PACRG: variants seen among roughly 807,000 people sequenced by gnomAD.
The protein encoded by PACRG is parkin coregulated.
PACRG carries 29 observed loss-of-function variants against 29.7 expected under a neutral mutation model. The observed-to-expected ratio is 0.98, with a 90% CI of 0.73 to 1.33. The LOEUF is 1.33. PACRG is among the 40% of genes most tolerant of loss of function. The pLI is 0.00. For synonymous variants in PACRG, 116 were observed against 118.7 expected, an observed-to-expected ratio of 0.98 and a Z score of 0.15; for missense variants, 279 against 316.2, an observed-to-expected ratio of 0.88 and a Z score of 0.89.
intron 4 of PACRG, among the ~76,000 whole-genome samples, chr6:163,248,843 T>C (rs771379992): frequency 2.6e-5 from 4 of 151,600 alleles, no homozygotes; most frequent in Non-Finnish European, 4.4e-5. Flanking sequence ...TGAAACCCCG[T>C]TTCTACTAAA....
intron 2 of PACRG, among the ~76,000 whole-genome samples, chr6:163,005,597 A>G (rs1219575659): frequency 6.6e-6 from 1 of 151,670 alleles, no homozygotes; most frequent in Non-Finnish European, 1.5e-5. Flanking sequence ...TCCTGTTACT[A>G]ATGCTCATTT....
chr6:162,995,521 C>T (rs1232240433), intron 2 of PACRG, among the ~76,000 whole-genome samples: 1 of 152,226 alleles, frequency 6.6e-6, no homozygotes, highest in East Asian at 1.9e-4. Context: ...CGTCCGTCAC[C>T]CCTTTCTTTG....
At chr6:163,003,462 A>G (rs978485705) in intron 2 of PACRG, among the ~76,000 whole-genome samples, 2 of 152,226 alleles carry the variant, frequency 1.3e-5, no homozygotes, top group African/African-American at 4.8e-5. Flanking sequence ...AAGTCAGAAA[A>G]AAAATAAAAT....
chr6:163,200,619 C>T (rs1780657785), intron 4 of PACRG, among the ~76,000 whole-genome samples: 2 of 152,142 alleles, frequency 1.3e-5, no homozygotes, highest in South Asian at 4.1e-4. Flanking sequence ...CACCGAGAGT[C>T]TTTTCTCCAA....
At chr6:163,012,300 C>T (rs895349259) in intron 2 of PACRG, among the ~76,000 whole-genome samples, 8 of 152,118 alleles carry the variant, frequency 5.3e-5, no homozygotes, top group Non-Finnish European at 8.8e-5. Context: ...CAGGGGGAAA[C>T]TCAGCATCTG....
chr6:162,814,529 A>G (rs755184789), intron 2 of PACRG, among the ~76,000 whole-genome samples: 9 of 152,112 alleles, frequency 5.9e-5, no homozygotes, highest in Non-Finnish European at 1.0e-4. Flanking sequence ...TGCCCAATTC[A>G]TCTCTATTTT....
intron 2 of PACRG, among the ~76,000 whole-genome samples, chr6:162,881,280 C>G (rs1307159867): frequency 6.6e-6 from 1 of 152,160 alleles, no homozygotes; most frequent in African/African-American, 2.4e-5. Context: ...ATGACTGCTC[C>G]TTAATGAACC....
chr6:163,022,701 G>T (rs538783348), intron 2 of PACRG, among the ~76,000 whole-genome samples: 5 of 152,330 alleles, frequency 3.3e-5, no homozygotes, highest in African/African-American at 1.2e-4. Flanking sequence ...TGGATTATTT[G>T]CCATTTTCCT....
intron 1 of PACRG, 102 bp from the exon 2 acceptor site, chr6:162,814,045 T>A: frequency 6.3e-6 from 8 of 1,278,826 alleles, no homozygotes; most frequent in Non-Finnish European, 8.5e-6. Context: ...TCTTCCAACA[T>A]ATTTATACAA....
intron 2 of PACRG, among the ~76,000 whole-genome samples, chr6:162,831,575 G>A (rs1386761168): frequency 2.6e-5 from 4 of 152,134 alleles, no homozygotes; most frequent in Non-Finnish European, 2.9e-5. Context: ...TGCCATGGTG[G>A]TTTGCGGCAC....
At chr6:163,127,730 C>T (rs909040281) in intron 4 of PACRG, among the ~76,000 whole-genome samples, 1 of 152,084 alleles carries the variant, frequency 6.6e-6, no homozygotes, top group African/African-American at 2.4e-5. Context: ...AATAGTTTAT[C>T]GTAAAGTCTT....
chr6:163,266,362 C>T (rs13194634), intron 4 of PACRG, among the ~76,000 whole-genome samples: 36,776 of 152,014 alleles, frequency 0.24, 4,820 homozygotes, highest in Middle Eastern at 0.33. Context: ...TAGAGGGGAG[C>T]GGTAATTTTG....
intron 3 of PACRG, among the ~76,000 whole-genome samples, chr6:163,083,863 CA>C (rs1211927165): frequency 2.6e-5 from 4 of 151,540 alleles, no homozygotes; most frequent in Non-Finnish European, 5.9e-5. Flanking sequence ...CCTGATACCA[CA>C]ATAGTGAATG....
intron 1 of PACRG, among the ~76,000 whole-genome samples, chr6:162,748,396 G>A (rs1781256673): frequency 6.6e-6 from 1 of 152,160 alleles, no homozygotes; most frequent in African/African-American, 2.4e-5. Flanking sequence ...GGGAGGCTGA[G>A]GCATGAGAAT....
chr6:163,192,391 T>C (rs1295229195), intron 4 of PACRG, among the ~76,000 whole-genome samples: 6 of 152,268 alleles, frequency 3.9e-5, no homozygotes, highest in Non-Finnish European at 1.5e-5. Context: ...TGTTTAGAAC[T>C]GTAATCATAG....
chr6:162,947,535 CAT>C lies in PACRG; in HGVS notation c.292-114609_292-114608del, dbSNP rs1234622998. Among the ~76,000 whole-genome samples, 134 of 101,920 alleles carry C rather than the reference CAT, an allele frequency of 1.3e-3. 2 individuals carry two copies. In the East Asian group the frequency reaches 0.031, roughly 24 times the overall value. The allele number at this position is 101,920 out of a possible 152,430, so 66.9% of individuals were successfully genotyped here. The stretch of plus-strand genomic sequence containing the variant: ...CTATATATATAATCATATATATACT[CAT>C]ATATAATCATATATATATAATCATA... On this transcript the variant is annotated intron_variant, in intron 2 of 4. Transcript: ENST00000366888.
At chr6:162,909,188 C>T (rs1320293844) in intron 2 of PACRG, among the ~76,000 whole-genome samples, 1 of 152,154 alleles carries the variant, frequency 6.6e-6, no homozygotes, top group Non-Finnish European at 1.5e-5. Context: ...CTTACTCTTT[C>T]TCATAACAAA....
intron 4 of PACRG, among the ~76,000 whole-genome samples, chr6:163,312,530 G>A (rs1785464890): frequency 1.1e-5 from 1 of 92,998 alleles, no homozygotes; most frequent in South Asian, 4.2e-4. Flanking sequence ...GGAGCCACCG[G>A]GCTTCATCTC....
At chr6:163,102,741 A>G (rs556920217) in intron 4 of PACRG, among the ~76,000 whole-genome samples, 2 of 152,364 alleles carry the variant, frequency 1.3e-5, no homozygotes, top group African/African-American at 4.8e-5. Context: ...TGTGTATGAC[A>G]TATGGTCAGG....
Sources: allele counts gnomAD v4.1 joint callset (sites outside exome capture counted in the v4.1 genomes callset), GRCh38; gene constraint gnomAD v4.1.1; transcripts MANE v1.5; gene names NCBI Gene and HGNC (gene_info 2026-07-23, HGNC 2026-07-21).